The following IDH3A variants were observed in gnomAD, a reference collection of about 807,000 sequenced individuals.
The protein encoded by IDH3A is isocitrate dehydrogenase (NAD(+)) 3 catalytic subunit alpha.
Under a neutral mutation model 43.3 loss-of-function variants are expected in IDH3A, and 23 were observed. The ratio of observed to expected loss-of-function variants is 0.53; its 90% CI spans 0.38 to 0.75. The LOEUF is 0.75. Among genes scored for constraint, IDH3A ranks in the 30% least tolerant of loss-of-function variants. The pLI is 0.00. For missense variants in IDH3A, 329 were observed against 474.4 expected, an observed-to-expected ratio of 0.69 and a Z score of 2.85; for synonymous variants, 154 against 163.5, an observed-to-expected ratio of 0.94 and a Z score of 0.44.
At chr15:78,152,919 T>C (rs576932611) in intron 1 of IDH3A, among the ~76,000 whole-genome samples, 5 of 152,204 alleles carry the variant, frequency 3.3e-5, no homozygotes, top group African/African-American at 9.6e-5. Context: ...TGTTTGATTG[T>C]TGTTTTGTTT....
At position 78,158,464 on chromosome 15, in the gene IDH3A, T is replaced by TATATATATATATATATATA. The variant is rs71145899; in HGVS notation, c.174+833_174+834insATATATATATATATATATA. Among the ~76,000 whole-genome samples the TATATATATATATATATATA allele has an allele frequency of 1.2e-3, 59 of 49,946 alleles. 1 individual carries two copies. Among genetic ancestry groups the TATATATATATATATATATA allele is most frequent in the South Asian group, 2.5e-3 (3 of 1,196 alleles). 32.8% of individuals were successfully genotyped at this position (49,946 alleles called of 152,430 possible). On this transcript the variant is annotated intron_variant, in intron 3 of 10. Transcript: ENST00000299518. The stretch of plus-strand genomic sequence containing the variant: ...ACATACATACATATATATATATATA[T>TATATATATATATATATATA]TTTTTTTTTTTTTTTTTTTTTTTTT...
chr15:78,161,441 G>A lies in IDH3A; in HGVS notation c.290-140G>A, dbSNP rs1043127995. 3.1e-6 allele frequency: 2 copies of A among 640,646 alleles called. No homozygotes were observed. Among genetic ancestry groups the A allele is most frequent in the African/African-American group, 3.6e-5 (2 of 54,968 alleles). 39.7% of individuals were successfully genotyped at this position (640,646 alleles called of 1,614,324 possible). ...TTCCAGAAAGCTCCCGTGAGGAAGT[G>A]TTCCTCCTTCATTTGAATCTCAGGT... is the stretch of plus-strand genomic sequence containing the variant. On this transcript the variant is annotated intron_variant, in intron 4 of 10. Transcript: ENST00000299518. The surrounding 1 kb of genome is among the most constrained non-coding windows in gnomAD (Gnocchi z 4.8).
At position 78,171,711 on chromosome 15, in the gene IDH3A, T is replaced by C. The variant is rs1595876516; in HGVS notation, c.*2706T>C. The C allele has an allele frequency of 7.2e-6, 4 of 555,618 alleles. No homozygotes were observed. The East Asian group carries it at 1.2e-4, about 17-fold the overall frequency. The allele number at this position is 555,618 out of a possible 1,614,324, so 34.4% of individuals were successfully genotyped here. ...TGGTATTCATATGGCTTGTGTGTAG[T>C]CTCCTGTGTTATACCACTGGTTGTG... On this transcript the variant is annotated 3_prime_UTR_variant, in exon 11 of 11. Coordinates refer to ENST00000299518, the MANE Select transcript of IDH3A (RefSeq NM_005530.3).
At chr15:78,156,223 T>C (rs1271841391) in intron 2 of IDH3A, among the ~76,000 whole-genome samples, 3 of 152,228 alleles carry the variant, frequency 2.0e-5, no homozygotes, top group Non-Finnish European at 4.4e-5. Flanking sequence ...CATTGCTCTC[T>C]GCTATTATTT....
rs1172743442 is a variant in IDH3A at position 78,170,744 on chromosome 15, G to A, written c.*1739G>A. 2.0e-5 allele frequency: 3 copies of A among 152,480 alleles called. No individual in the cohort carries two copies. The highest frequency in any genetic ancestry group is 1.3e-4 in the Admixed American group (2 of 15,270). The allele number at this position is 152,480 out of a possible 1,614,324, so 9.4% of individuals were successfully genotyped here. A position where few individuals can be genotyped will look rare whatever the true frequency, so the allele number is the denominator to read the frequency against. Reference sequence around the variant, plus strand: ...CCTTTGTTTATTCCAGGGCACTAATGGTCACTCGCATGCCCGCTGTGCACA... The same window carrying A: ...CCTTTGTTTATTCCAGGGCACTAATAGTCACTCGCATGCCCGCTGTGCACA... On this transcript the variant is annotated 3_prime_UTR_variant, in exon 11 of 11. Transcript: ENST00000299518.
intron 1 of IDH3A, 148 bp downstream of exon 1, chr15:78,149,578 C>A: frequency 1.6e-6 from 1 of 622,428 alleles, no homozygotes; most frequent in South Asian, 2.6e-5. Context: ...CGGTCCTGGT[C>A]GCCCGTGCCC....
At chr15:78,158,539 C>CAAA (rs2074649364) in intron 3 of IDH3A, among the ~76,000 whole-genome samples, 1 of 125,360 alleles carries the variant, frequency 8.0e-6, no homozygotes, top group South Asian at 2.6e-4. Flanking sequence ...TGCGATGGAG[C>CAAA]AATCTCGGCT....
In IDH3A at chr15:78,169,767, T is replaced by G. The variant is rs1449209730; in HGVS notation, c.*762T>G. 6.6e-6 allele frequency: 1 copy of G among 152,256 alleles called. No homozygotes were observed. Among genetic ancestry groups the G allele is most frequent in the African/African-American group, 2.4e-5 (1 of 41,464 alleles). 9.4% of individuals were successfully genotyped at this position (152,256 alleles called of 1,614,324 possible). On this transcript the variant is annotated 3_prime_UTR_variant, in exon 11 of 11. Transcript: ENST00000299518. ...CAGAGAGCTAGTACTTCATTTTCAC[T>G]GGATACATTTTCAGCATCATGAGTT...
rs2074806992 is a variant in IDH3A, at chr15:78,170,523, A to T, written c.*1518A>T. The T allele has an allele frequency of 6.6e-6, 1 of 152,184 alleles. No individual in the cohort carries two copies. Among genetic ancestry groups the T allele is most frequent in the South Asian group, 2.1e-4 (1 of 4,822 alleles). The allele number at this position is 152,184 out of a possible 1,614,324, so 9.4% of individuals were successfully genotyped here. On this transcript the variant is annotated 3_prime_UTR_variant, in exon 11 of 11. Transcript: ENST00000299518. Reference sequence around the variant, plus strand: ...ATCAGTGGCTCTTGGGTTCAAAGTAATAAAGAATTCCAAAACTGAGATGTT... The same window carrying T: ...ATCAGTGGCTCTTGGGTTCAAAGTATTAAAGAATTCCAAAACTGAGATGTT...
chr15:78,166,265 T>C lies in IDH3A; in HGVS notation c.980T>C (p.Ile327Thr), dbSNP rs750565047. The stretch of plus-strand genomic sequence containing the variant: ...GGACTTTTTGACCATGCTGCAAGAA[T>C]TGAGGCTGCGTGTTTTGCTACAATT... ...HMGLFDHAAR[I>T]EAACFATIKD... is the part of the protein sequence containing the mutation. Residue 327 changes from isoleucine (I) to threonine (T), a missense_variant, in exon 10 of 11, where the codon ATT becomes ACT. This residue lies in a region of IDH3A where 91 missense variants were observed against 111.6 expected (regional missense o/e 0.82). Coordinates refer to ENST00000299518, the MANE Select transcript of IDH3A (RefSeq NM_005530.3). 6.2e-7 allele frequency: 1 copy of C among 1,614,182 alleles called. No individual in the cohort carries two copies.
rs1353553479 is a variant in IDH3A at position 78,170,054 on chromosome 15, A to C, written c.*1049A>C. 6.6e-6 allele frequency: 1 copy of C among 152,238 alleles called. No homozygotes were observed. Among genetic ancestry groups the C allele is most frequent in the African/African-American group, 2.4e-5 (1 of 41,452 alleles). The allele number at this position is 152,238 out of a possible 1,614,324, so 9.4% of individuals were successfully genotyped here. ...GCCTCAGCAGTACCAGTATAAGATG[A>C]CATTCCAAAGACTGGAGGCAACTCA... On this transcript the variant is annotated 3_prime_UTR_variant, in exon 11 of 11. Coordinates refer to ENST00000299518, the MANE Select transcript of IDH3A (RefSeq NM_005530.3).
At chr15:78,149,741 C>T (rs1042486196) in intron 1 of IDH3A, among the ~76,000 whole-genome samples, 4 of 152,230 alleles carry the variant, frequency 2.6e-5, no homozygotes, top group Admixed American at 1.3e-4. Flanking sequence ...AGGCCAGAGC[C>T]CAGGCTTCGC....
rs997678476 is a variant in IDH3A, at chr15:78,163,017, G to T, written c.612-490G>T. ...CATCAGCAGAGGCCACATAGCGTACGTTTTAGAAGTGGAATAGTGGGAGGC... is the reference window on the plus strand; with the variant it reads ...CATCAGCAGAGGCCACATAGCGTACTTTTTAGAAGTGGAATAGTGGGAGGC... On this transcript the variant is annotated intron_variant, in intron 6 of 10. Coordinates refer to ENST00000299518, the MANE Select transcript of IDH3A (RefSeq NM_005530.3). Among the ~76,000 whole-genome samples the T allele has an allele frequency of 1.3e-5, 2 of 152,198 alleles. 1 individual carries two copies. Among genetic ancestry groups the T allele is most frequent in the Non-Finnish European group, 2.9e-5 (2 of 68,038 alleles).
In IDH3A at chr15:78,170,890, T is replaced by C. The variant is rs1246663273; in HGVS notation, c.*1885T>C. 6.5e-6 allele frequency: 1 copy of C among 153,180 alleles called. No individual in the cohort carries two copies. The highest frequency in any genetic ancestry group is 2.4e-5 in the African/African-American group (1 of 41,452). 9.5% of individuals were successfully genotyped at this position (153,180 alleles called of 1,614,324 possible). A position where few individuals can be genotyped will look rare whatever the true frequency, so the allele number is the denominator to read the frequency against. On this transcript the variant is annotated 3_prime_UTR_variant, in exon 11 of 11. Transcript: ENST00000299518. ...TTTAATATTCAAATTATACATTAAA[T>C]AGAATCAAACAGGCAGCAGCAGTTT... is the stretch of plus-strand genomic sequence containing the variant.
intron 10 of IDH3A, chr15:78,168,299 T>C (rs1314188157): frequency 6.6e-6 from 1 of 151,950 alleles, no homozygotes; most frequent in East Asian, 1.9e-4. Context: ...ATTTCTTTCG[T>C]ATTTGTGTCC....
chr15:78,166,181 A>G lies in IDH3A; in HGVS notation c.896A>G (p.Lys299Arg). The change falls in exon 10 of 11, where the codon AAG becomes AGG. Residue 299 changes from lysine (K) to arginine (R), a missense_variant. By Grantham distance (26) the Lys-to-Arg change is conservative (BLOSUM62 2). Transcript: ENST00000299518. ...VHGTAPDIAG[K>R]DMANPTALLL... ...GGGACGGCTCCAGACATTGCAGGCA[A>G]GGACATGGCGAATCCCACAGCCCTC... 1 of 1,614,184 alleles carries G rather than the reference A, an allele frequency of 6.2e-7. No individual in the cohort carries two copies. The highest frequency in any genetic ancestry group is 8.5e-7 in the Non-Finnish European group (1 of 1,180,028).
intron 10 of IDH3A, 144 bp from the exon 11 acceptor site, chr15:78,168,778 G>GA: frequency 1.6e-6 from 1 of 632,018 alleles, no homozygotes; most frequent in Non-Finnish European, 2.9e-6. Context: ...GTGGTGGAGT[G>GA]GTTCCTCACT....
In IDH3A at chr15:78,155,165, A is replaced by C. The variant is rs769902150; in HGVS notation, c.28-48A>C. 9 of 1,360,592 alleles carry C rather than the reference A, an allele frequency of 6.6e-6. No homozygotes were observed. The East Asian group carries it at 2.1e-4, about 31-fold the overall frequency. 84.3% of individuals were successfully genotyped at this position (1,360,592 alleles called of 1,614,324 possible). On this transcript the variant is annotated intron_variant, in intron 1 of 10. Transcript: ENST00000299518. ...GGACTTCCTCGCTCTTGTTTACTGT[A>C]TGTGGTTTAATTCTGTGTGTGATAT...
At position 78,171,527 on chromosome 15, in the gene IDH3A, G is replaced by A. The variant is rs2141314052; in HGVS notation, c.*2522G>A. 1 of 1,613,808 alleles carries A rather than the reference G, an allele frequency of 6.2e-7. No individual in the cohort carries two copies. Among genetic ancestry groups the A allele is most frequent in the East Asian group, 2.2e-5 (1 of 44,880 alleles). On this transcript the variant is annotated 3_prime_UTR_variant, in exon 11 of 11. Coordinates refer to ENST00000299518, the MANE Select transcript of IDH3A (RefSeq NM_005530.3). Reference sequence around the variant, plus strand: ...GTGAGCCGTTTCAGTTTCATCGTGGGACCTAAAAGGGAAATGAGAAGAAAT... The same window carrying A: ...GTGAGCCGTTTCAGTTTCATCGTGGAACCTAAAAGGGAAATGAGAAGAAAT...
Sources: allele counts gnomAD v4.1 joint callset (sites outside exome capture counted in the v4.1 genomes callset), GRCh38; gene constraint gnomAD v4.1.1; regional missense constraint gnomAD v4.1.1; non-coding constraint Gnocchi (gnomAD v3.1); transcripts MANE v1.5; gene names NCBI Gene and HGNC (gene_info 2026-07-23, HGNC 2026-07-21).